Variants in EDARADD observed in about 807,000 individuals in gnomAD.
EDARADD encodes EDAR associated via death domain.
In EDARADD, 20 loss-of-function variants were observed where a neutral mutation model predicts 25.6. The ratio of observed to expected loss-of-function variants is 0.78; its 90% confidence interval spans 0.55 to 1.14. The LOEUF is 1.14. EDARADD is among the 50% of genes most tolerant of loss of function. The pLI is 0.00. For synonymous variants in EDARADD, 86 were observed against 94.4 expected, an observed-to-expected ratio of 0.91 and a Z score of 0.52; for missense variants, 225 against 270.1, an observed-to-expected ratio of 0.83 and a Z score of 1.17.
chr1:236,371,400 C>T (rs1667170395), intron 3 of EDARADD, among the ~76,000 whole-genome samples: 1 of 152,002 alleles, frequency 6.6e-6, no homozygotes, highest in Non-Finnish European at 1.5e-5. Flanking sequence ...TTCTTCCTTC[C>T]CAATTAATAT....
intron 3 of EDARADD, among the ~76,000 whole-genome samples, chr1:236,418,497 G>A (rs924483748): frequency 5.3e-5 from 8 of 151,894 alleles, no homozygotes; most frequent in African/African-American, 1.2e-4. Context: ...CATCCACCTC[G>A]GCCTCCTAAA....
At chr1:236,389,094 A>T (rs1667390616) in intron 3 of EDARADD, among the ~76,000 whole-genome samples, 1 of 152,220 alleles carries the variant, frequency 6.6e-6, no homozygotes, top group Non-Finnish European at 1.5e-5. Flanking sequence ...TTATCTCAAA[A>T]TCTGAAGCAA....
chr1:236,401,149 G>T (rs1667606700), intron 1 of EDARADD, among the ~76,000 whole-genome samples: 1 of 151,658 alleles, frequency 6.6e-6, no homozygotes, highest in African/African-American at 2.4e-5. Context: ...TCACACTGCT[G>T]CACTACAGCC....
intron 3 of EDARADD, among the ~76,000 whole-genome samples, chr1:236,371,656 GC>G (rs1667172781): frequency 6.7e-6 from 1 of 149,346 alleles, no homozygotes; most frequent in African/African-American, 2.5e-5. Context: ...TGCAACCTCT[GC>G]CTCCCGTGTT....
intron 5 of EDARADD, 139 bp from the exon 6 acceptor site, chr1:236,482,128 A>AG (rs1050771663): frequency 2.8e-6 from 3 of 1,079,078 alleles, no homozygotes; most frequent in Non-Finnish European, 2.7e-6. Context: ...AAAAAAAAAA[A>AG]AAAGAAAGAA....
At chr1:236,370,226 G>T (rs888944349) in intron 3 of EDARADD, among the ~76,000 whole-genome samples, 1 of 152,112 alleles carries the variant, frequency 6.6e-6, no homozygotes, top group African/African-American at 2.4e-5. Flanking sequence ...TTCAAGACCA[G>T]CCTGGACAAC....
intron 4 of EDARADD, among the ~76,000 whole-genome samples, chr1:236,457,539 G>A (rs570857013): frequency 4.5e-4 from 67 of 150,240 alleles, no homozygotes; most frequent in African/African-American, 1.4e-3. Context: ...AATAAAAAAA[G>A]GCCAGGCGCA....
In EDARADD at chr1:236,405,881, C is replaced by CCT. The variant is rs1162389998; in HGVS notation, c.62-3335_62-3334insCT. 6.7e-4 allele frequency among the ~76,000 whole-genome samples: 23 copies of CCT among 34,414 alleles called. 1 individual carries two copies. The highest frequency in any genetic ancestry group is 2.1e-3 in the African/African-American group (22 of 10,706). The allele number at this position is 34,414 out of a possible 152,430, so 22.6% of individuals were successfully genotyped here. A position where few individuals can be genotyped will look rare whatever the true frequency, so the allele number is the denominator to read the frequency against. ...TCCTTCCTTCCTTCCTTCCTTCTTT[C>CCT]TTTCTTTCTTTCTTTCTTTCTTTCT... On this transcript the variant is annotated intron_variant, in intron 1 of 5. Transcript: ENST00000334232.
Position 236,395,551 on chromosome 1 carries a change from C to T in EDARADD, c.61+1046C>T. ...CGTCGGAACCGCAGGACTTTTCATCCCCGTGGTCCCACGGTCCTCCCGCGC... is the reference window on the plus strand; with the variant it reads ...CGTCGGAACCGCAGGACTTTTCATCTCCGTGGTCCCACGGTCCTCCCGCGC... On this transcript the variant is annotated intron_variant, in intron 1 of 5. Coordinates refer to ENST00000334232, the MANE Select transcript of EDARADD (RefSeq NM_145861.4). This position sits in a 1 kb window ranked among gnomAD's most constrained non-coding sequence, Gnocchi z 6.9. 1.3e-6 allele frequency: 2 copies of T among 1,540,460 alleles called. No homozygotes were observed. Among genetic ancestry groups the T allele is most frequent in the Non-Finnish European group, 8.7e-7 (1 of 1,146,442 alleles).
chr1:236,483,628 G>A lies in EDARADD; in HGVS notation c.*979G>A. 1 of 1,556,854 alleles carries A rather than the reference G, an allele frequency of 6.4e-7. No individual in the cohort carries two copies. Among genetic ancestry groups the A allele is most frequent in the South Asian group, 1.1e-5 (1 of 89,890 alleles). Reference sequence around the variant, plus strand: ...GTCCCGGTGTTCAATGTCATCAATGGCAGTTCTCATGCTGTCACCAAGCTG... The same window carrying A: ...GTCCCGGTGTTCAATGTCATCAATGACAGTTCTCATGCTGTCACCAAGCTG... On this transcript the variant is annotated 3_prime_UTR_variant, in exon 6 of 6. Transcript: ENST00000334232.
chr1:236,395,803 G>A lies in EDARADD; in HGVS notation c.61+1298G>A. 1.4e-6 allele frequency: 1 copy of A among 740,682 alleles called. No individual in the cohort carries two copies. Among genetic ancestry groups the A allele is most frequent in the Non-Finnish European group, 2.0e-6 (1 of 503,066 alleles). The allele number at this position is 740,682 out of a possible 1,614,324, so 45.9% of individuals were successfully genotyped here. On this transcript the variant is annotated intron_variant, in intron 1 of 5. Coordinates refer to ENST00000334232, the MANE Select transcript of EDARADD (RefSeq NM_145861.4). The surrounding 1 kb of genome is among the most constrained non-coding windows in gnomAD (Gnocchi z 6.9). ...GGCCCGGGAACCACCCCCGACCCAGGCGCCAGACCCGGAGTCGCACGGGGC... is the reference window on the plus strand; with the variant it reads ...GGCCCGGGAACCACCCCCGACCCAGACGCCAGACCCGGAGTCGCACGGGGC...
At chr1:236,465,344 C>T (rs1421801121) in intron 4 of EDARADD, among the ~76,000 whole-genome samples, 1 of 152,196 alleles carries the variant, frequency 6.6e-6, no homozygotes, top group Non-Finnish European at 1.5e-5. Flanking sequence ...GGACAGGCCC[C>T]AGTGTATTCA....
intron 3 of EDARADD, among the ~76,000 whole-genome samples, chr1:236,362,726 G>A (rs1185967056): frequency 1.3e-5 from 2 of 151,838 alleles, no homozygotes; most frequent in African/African-American, 4.8e-5. Context: ...TTTGTATATT[G>A]TGAAGTATTC....
chr1:236,457,451 G>T (rs1176183627), intron 4 of EDARADD, among the ~76,000 whole-genome samples: 1 of 151,984 alleles, frequency 6.6e-6, no homozygotes, highest in Non-Finnish European at 1.5e-5. Context: ...GGAGGCGGAG[G>T]TCATAGTGAG....
At chr1:236,457,067 G>A (rs970665593) in intron 4 of EDARADD, among the ~76,000 whole-genome samples, 2 of 152,020 alleles carry the variant, frequency 1.3e-5, no homozygotes, top group African/African-American at 4.8e-5. Flanking sequence ...TCAAGGCCTT[G>A]AGTACTTTTT....
chr1:236,471,162 A>G (rs1659348831), intron 5 of EDARADD, among the ~76,000 whole-genome samples: 2 of 152,168 alleles, frequency 1.3e-5, no homozygotes, highest in South Asian at 2.1e-4. Flanking sequence ...GATCCACCCA[A>G]CCTGTCAGTT....
intron 5 of EDARADD, among the ~76,000 whole-genome samples, chr1:236,475,013 A>T (rs1362725797): frequency 1.3e-5 from 2 of 152,096 alleles, no homozygotes; most frequent in East Asian, 3.9e-4. Context: ...GACACCTGTA[A>T]TCCCAGCTAC....
intron 3 of EDARADD, among the ~76,000 whole-genome samples, chr1:236,414,604 T>C (rs961903381): frequency 6.6e-6 from 1 of 152,102 alleles, no homozygotes; most frequent in Admixed American, 6.6e-5. Flanking sequence ...GACTTTGGGT[T>C]GCAAAGGGAG....
At chr1:236,355,539 C>T (rs1413260422) in intron 3 of EDARADD, among the ~76,000 whole-genome samples, 7 of 93,858 alleles carry the variant, frequency 7.5e-5, no homozygotes, top group Admixed American at 7.2e-4. Flanking sequence ...GACAGAGTTT[C>T]GCTCTTGTCA....
Sources: gnomAD v4.1 joint callset for allele counts (sites outside exome capture counted in the v4.1 genomes callset) on GRCh38, gnomAD v4.1.1 for gene constraint, Gnocchi (gnomAD v3.1) non-coding constraint, MANE v1.5 for transcripts, NCBI Gene and HGNC (gene_info 2026-07-23, HGNC 2026-07-21) for gene names.